ARB2A: variants seen among roughly 807,000 people sequenced by gnomAD.
ARB2A encodes cotranscriptional regulator ARB2A.
chr5:93,627,568 C>G, the ARB2A span, among the ~76,000 whole-genome samples: 1 of 151,750 alleles, frequency 6.6e-6, no homozygotes, highest in African/African-American at 2.4e-5. Context: ...CCTCAGCTTC[C>G]TGAGTAGCTG....
chr5:93,643,314 T>C, the ARB2A span, among the ~76,000 whole-genome samples: 1 of 152,026 alleles, frequency 6.6e-6, no homozygotes, highest in Non-Finnish European at 1.5e-5. Flanking sequence ...AGGGAGTCCC[T>C]GGGGGAAGGA....
At chr5:93,725,992 T>C in the ARB2A span, among the ~76,000 whole-genome samples, 2 of 152,166 alleles carry the variant, frequency 1.3e-5, no homozygotes, top group East Asian at 1.9e-4. Context: ...TCAGGCTTTA[T>C]GTGGTAATTG....
chr5:93,701,780 T>A, the ARB2A span, among the ~76,000 whole-genome samples: 1 of 152,164 alleles, frequency 6.6e-6, no homozygotes, highest in African/African-American at 2.4e-5. Context: ...AAACTTTTGA[T>A]TAAAATTATA....
chr5:94,021,986 G>A, the ARB2A span, among the ~76,000 whole-genome samples: 7 of 152,100 alleles, frequency 4.6e-5, no homozygotes, highest in African/African-American at 7.2e-5. Flanking sequence ...CAGGAGAATC[G>A]CTTGAACTTG....
the ARB2A span, among the ~76,000 whole-genome samples, chr5:93,683,853 G>A: frequency 6.6e-6 from 1 of 152,112 alleles, no homozygotes; most frequent in Non-Finnish European, 1.5e-5. Flanking sequence ...TTGAACCAGA[G>A]ATGAAAATGA....
chr5:93,897,148 AG>A, the ARB2A span, among the ~76,000 whole-genome samples: 3 of 152,002 alleles, frequency 2.0e-5, no homozygotes, highest in African/African-American at 7.2e-5. Flanking sequence ...ATCACTAGGC[AG>A]GAGTGTCCAA....
chr5:93,731,959 T>C, the ARB2A span, among the ~76,000 whole-genome samples: 1 of 152,250 alleles, frequency 6.6e-6, no homozygotes, highest in Non-Finnish European at 1.5e-5. Flanking sequence ...TGTCATTTTG[T>C]TGGAAGCTGC....
the ARB2A span, among the ~76,000 whole-genome samples, chr5:93,886,472 A>G: frequency 0.82 from 124,389 of 151,568 alleles, 51,375 homozygotes; most frequent in East Asian, 0.95. Context: ...TTGAAACCCA[A>G]AGTGCTTTAT....
the ARB2A span, among the ~76,000 whole-genome samples, chr5:93,927,641 T>C: frequency 6.6e-6 from 1 of 152,212 alleles, no homozygotes; most frequent in East Asian, 1.9e-4. Flanking sequence ...TTGATCTTTA[T>C]CATCTGACTC....
At chr5:93,839,746 A>G in the ARB2A span, among the ~76,000 whole-genome samples, 2 of 151,810 alleles carry the variant, frequency 1.3e-5, no homozygotes, top group Non-Finnish European at 2.9e-5. Flanking sequence ...TTCCTGGTTC[A>G]GTCTTGGGAG....
At chr5:93,764,587 C>T in the ARB2A span, among the ~76,000 whole-genome samples, 1 of 152,140 alleles carries the variant, frequency 6.6e-6, no homozygotes, top group Non-Finnish European at 1.5e-5. Context: ...CAGGACCAGA[C>T]AGATTCACAG....
the ARB2A span, chr5:93,865,815 C>G: frequency 1.0e-6 from 1 of 985,392 alleles, no homozygotes; most frequent in South Asian, 4.7e-5. Flanking sequence ...GGAGTCACTA[C>G]TTGCCGAATA....
chr5:94,015,682 T>C, the ARB2A span, among the ~76,000 whole-genome samples: 1,651 of 152,044 alleles, frequency 0.011, 29 homozygotes, highest in African/African-American at 0.039. Context: ...AAATGAAGAA[T>C]TGTTTATTTA....
chr5:93,655,883 C>G, the ARB2A span, among the ~76,000 whole-genome samples: 1 of 152,196 alleles, frequency 6.6e-6, no homozygotes, highest in Non-Finnish European at 1.5e-5. Context: ...ATCCCATTAT[C>G]CTGTTAAATG....
At chr5:93,647,716 G>GT in the ARB2A span, among the ~76,000 whole-genome samples, 4 of 152,124 alleles carry the variant, frequency 2.6e-5, no homozygotes, top group Non-Finnish European at 5.9e-5. Flanking sequence ...TAGAGATGGG[G>GT]TTTTGCCATG....
chr5:93,729,341 T>C, the ARB2A span, among the ~76,000 whole-genome samples: 2 of 152,148 alleles, frequency 1.3e-5, no homozygotes, highest in Non-Finnish European at 2.9e-5. Context: ...GAATCTTTAG[T>C]GCCTAGCCCT....
the ARB2A span, among the ~76,000 whole-genome samples, chr5:93,640,080 A>AG: frequency 1.3e-5 from 2 of 151,206 alleles, no homozygotes; most frequent in African/African-American, 4.9e-5. Context: ...AAAAAAAAAA[A>AG]AAAAAAAATT....
chr5:94,028,427 T>C, the ARB2A span, among the ~76,000 whole-genome samples: 1 of 152,262 alleles, frequency 6.6e-6, no homozygotes, highest in East Asian at 1.9e-4. Flanking sequence ...GAATAAACTA[T>C]TTAGAGACAA....
At chr5:93,865,452 T>C in the ARB2A span, 1 of 985,230 alleles carries the variant, frequency 1.0e-6, no homozygotes, top group African/African-American at 1.7e-5. Flanking sequence ...TATCTAGCAC[T>C]TGTGACATGG....
Sources: allele counts gnomAD v4.1 joint callset (sites outside exome capture counted in the v4.1 genomes callset), GRCh38; gene constraint gnomAD v4.1.1; transcripts MANE v1.5; gene names NCBI Gene and HGNC (gene_info 2026-07-23, HGNC 2026-07-21).